PFKM: variants seen among roughly 807,000 people sequenced by gnomAD.
PFKM encodes the protein ATP-dependent 6-phosphofructokinase, muscle type.
PFKM carries 58 observed loss-of-function variants against 95.5 expected under a neutral mutation model. The ratio of observed to expected loss-of-function variants is 0.61; its 90% CI spans 0.49 to 0.76. The LOEUF is 0.76. PFKM is among the 30% of genes least tolerant of loss of function. The pLI is 0.00. For synonymous variants in PFKM, 336 were observed against 357.2 expected (o/e 0.94, Z 0.67); for missense variants, 678 against 1,005.4 (o/e 0.67, Z 4.40).
chr12:48,128,029 T>C (rs1263208597), intron 2 of PFKM, among the ~76,000 whole-genome samples: 2 of 152,242 alleles, frequency 1.3e-5, no homozygotes, highest in South Asian at 2.1e-4. Flanking sequence ...CTAGTTTATA[T>C]TTTATTCTTT....
chr12:48,110,825 C>G (rs899218701), intron 3 of PFKM, among the ~76,000 whole-genome samples: 1 of 152,142 alleles, frequency 6.6e-6, no homozygotes, highest in Non-Finnish European at 1.5e-5. Context: ...TATAATGAGG[C>G]AGGCTGTGTG....
Position 48,132,954 on chromosome 12 carries a change from T to C in PFKM, c.324T>C (p.Arg108=). ...RLRAAYNLVK[R]GITNLCVIGG... ...GAGCTGCCTACAACCTGGTGAAGCG[T>C]GGGATCACCAATCTCTGTGTCATTG... The change falls in exon 5 of 23, where the codon CGT becomes CGC. Residue 108 remains arginine (R), a synonymous_variant. Transcript: ENST00000359794. 1 of 1,614,034 alleles carries C rather than the reference T, an allele frequency of 6.2e-7. No individual in the cohort carries two copies. The highest frequency in any genetic ancestry group is 8.5e-7 in the Non-Finnish European group (1 of 1,179,886).
At chr12:48,118,427 G>A, upstream of PFKM, 1 of 865,390 alleles carries the variant, frequency 1.2e-6, no homozygotes, top group Non-Finnish European at 1.9e-6. Flanking sequence ...TTTATTTTGT[G>A]TAGTCAAATG....
chr12:48,141,940 G>A lies in PFKM; in HGVS notation c.1527G>A (p.Met509Ile). ...CTTACACAGGGGGCCTGGAACTGAT[G>A]GAGGGCAGGAAGCAGTTTGATGAGC... is the stretch of plus-strand genomic sequence containing the variant. ...FEAYTGGLEL[M>I]EGRKQFDELC... Residue 509 changes from methionine (M) to isoleucine (I), a missense_variant, in exon 17 of 23, where the codon ATG (methionine) becomes ATA (isoleucine). Transcript: ENST00000359794. The A allele has an allele frequency of 6.2e-7, 1 of 1,614,106 alleles. No individual in the cohort carries two copies. Among genetic ancestry groups the A allele is most frequent in the Non-Finnish European group, 8.5e-7 (1 of 1,180,008 alleles).
At chr12:48,134,185 T>G (rs1395419386) in intron 6 of PFKM, 47 bp from the exon 7 acceptor site, 2 of 1,556,266 alleles carry the variant, frequency 1.3e-6, no homozygotes, top group Non-Finnish European at 1.8e-6. Flanking sequence ...TGGCTTGATC[T>G]TGGCCATAGG....
intron 6 of PFKM, 62 bp from the exon 7 acceptor site, chr12:48,134,170 G>T: frequency 7.2e-7 from 1 of 1,379,840 alleles, no homozygotes; most frequent in Non-Finnish European, 1.0e-6. Context: ...CCTAGATGTG[G>T]GTGGTGGCTT....
At chr12:48,105,774 CG>C (rs1946504183), upstream of PFKM, 2 of 567,966 alleles carry the variant, frequency 3.5e-6, no homozygotes, top group Non-Finnish European at 6.3e-6. Context: ...GGTCTCTCCG[CG>C]GCCCAGGAGA....
chr12:48,126,647 T>C (rs1948871569), intron 2 of PFKM, among the ~76,000 whole-genome samples: 1 of 152,226 alleles, frequency 6.6e-6, no homozygotes, highest in South Asian at 2.1e-4. Flanking sequence ...AGTTAGAGTT[T>C]TTACAGGACC....
chr12:48,142,059 T>C lies in PFKM; in HGVS notation c.1646T>C (p.Ile549Thr), dbSNP rs1950620774. 1 of 1,614,050 alleles carries C rather than the reference T, an allele frequency of 6.2e-7. No homozygotes were observed. Among genetic ancestry groups the C allele is most frequent in the Admixed American group, 1.7e-5 (1 of 60,010 alleles). ...GGGGCTGACACAGCACTCAATACTA[T>C]CTGCACAGTGAGAGCCTATCACCAC... The part of the protein sequence containing the change: ...SVGADTALNT[I>T]CTTCDRIKQS... Residue 549 changes from isoleucine (I) to threonine (T), a missense_variant, in exon 17 of 23, where the codon ATC becomes ACC. Transcript: ENST00000359794.
chr12:48,134,704 T>C lies in PFKM; in HGVS notation c.639-17T>C, dbSNP rs1289452116. The stretch of plus-strand genomic sequence containing the variant: ...AGAGTACAACTTCTAGCAGGATGCT[T>C]CTGACTCTCATCTCAGATACCTGGC... On this transcript the variant is annotated splice_polypyrimidine_tract_variant and intron_variant, in intron 7 of 22. Transcript: ENST00000359794. 2 of 1,561,698 alleles carry C rather than the reference T, an allele frequency of 1.3e-6. No individual in the cohort carries two copies. Among genetic ancestry groups the C allele is most frequent in the Non-Finnish European group, 1.8e-6 (2 of 1,132,420 alleles).
intron 13 of PFKM, 85 bp downstream of exon 13, chr12:48,139,997 C>A: frequency 2.2e-6 from 2 of 905,856 alleles, no homozygotes; most frequent in Non-Finnish European, 3.7e-6. Context: ...GTCCATACAA[C>A]ATAAGCCTTG....
upstream of PFKM, among the ~76,000 whole-genome samples, chr12:48,115,644 A>G (rs1403858386): frequency 6.6e-6 from 1 of 152,202 alleles, no homozygotes; most frequent in Non-Finnish European, 1.5e-5. Context: ...CACTGGGGAT[A>G]TGATGGCTTA....
intron 6 of PFKM, among the ~76,000 whole-genome samples, chr12:48,133,710 T>C (rs1049696778): frequency 2.0e-5 from 3 of 152,228 alleles, no homozygotes; most frequent in African/African-American, 7.2e-5. Flanking sequence ...TGTCCAAATA[T>C]GCAGCTCTGA....
chr12:48,119,484 T>C (rs1194758770), intron 1 of PFKM, 78 bp downstream of exon 1: 33 of 815,992 alleles, frequency 4.0e-5, no homozygotes, highest in Non-Finnish European at 4.9e-5. Context: ...GAGCAGGCGG[T>C]AGGGAGAACT....
intron 12 of PFKM, 134 bp downstream of exon 12, chr12:48,139,483 G>C: frequency 1.3e-6 from 1 of 750,018 alleles, no homozygotes; most frequent in South Asian, 1.5e-5. Context: ...GCAAGTTCCT[G>C]CCCAAGAAAA....
At chr12:48,130,742 A>C (rs1949387876) in intron 3 of PFKM, among the ~76,000 whole-genome samples, 1 of 152,196 alleles carries the variant, frequency 6.6e-6, no homozygotes, top group African/African-American at 2.4e-5. Flanking sequence ...TATTTACAGC[A>C]AATTTAGTAT....
In PFKM at chr12:48,141,549, G is replaced by A. The variant is rs1950575140; in HGVS notation, c.1412+168G>A. On this transcript the variant is annotated intron_variant, in intron 15 of 22. Coordinates refer to ENST00000359794, the MANE Select transcript of PFKM (RefSeq NM_000289.6). ...AGACATGCCCATCTCAACATCTTTA[G>A]CAGCTCTGGCAACTTAGAGCTCCAG... 4.3e-5 allele frequency: 33 copies of A among 762,516 alleles called. No individual in the cohort carries two copies. The South Asian group carries it at 5.1e-4, about 12-fold the overall frequency. 47.2% of individuals were successfully genotyped at this position (762,516 alleles called of 1,614,324 possible).
Position 48,137,712 on chromosome 12 carries a change from C to T in PFKM, c.937-9C>T. On this transcript the variant is annotated splice_polypyrimidine_tract_variant and intron_variant, in intron 10 of 22. Transcript: ENST00000359794. Reference sequence around the variant, plus strand: ...AGCCAGACTGTCTTTGTTCTCTGGGCTCCTGCAGGGCAGCAGGATGGGTGT... The same window carrying T: ...AGCCAGACTGTCTTTGTTCTCTGGGTTCCTGCAGGGCAGCAGGATGGGTGT... The T allele has an allele frequency of 6.2e-7, 1 of 1,614,078 alleles. No homozygotes were observed. The highest frequency in any genetic ancestry group is 8.5e-7 in the Non-Finnish European group (1 of 1,179,976).
chr12:48,133,621 C>A, intron 6 of PFKM, 141 bp downstream of exon 6: 2 of 721,222 alleles, frequency 2.8e-6, no homozygotes, highest in Non-Finnish European at 4.8e-6. Context: ...CTATTTTTAA[C>A]GAAAAATTAT....
Sources: gnomAD v4.1 joint callset for allele counts (sites outside exome capture counted in the v4.1 genomes callset) on GRCh38, gnomAD v4.1.1 for gene constraint, MANE v1.5 for transcripts, NCBI Gene and HGNC (gene_info 2026-07-23, HGNC 2026-07-21) for gene names.